RGS8: variants seen among roughly 807,000 people sequenced by gnomAD.
The protein encoded by RGS8 is regulator of G-protein signaling 8.
Under a neutral mutation model 21.7 loss-of-function variants are expected in RGS8, and 8 were observed. The ratio of observed to expected loss-of-function variants is 0.37; its 90% confidence interval spans 0.22 to 0.66. The LOEUF (loss-of-function observed/expected upper bound fraction) is 0.66, where lower values mean the gene tolerates loss of function less well. RGS8 is among the 30% of genes least tolerant of loss of function. The probability of loss-of-function intolerance (pLI) is 0.59; values close to 1 mark genes in which losing one functional copy is unlikely to be tolerated. For missense variants in RGS8, 157 were observed against 217.9 expected (o/e 0.72, Z 1.76); for synonymous variants, 80 against 83.6 (o/e 0.96, Z 0.24).
chr1:182,689,475 C>T (rs1664777411), upstream of RGS8, among the ~76,000 whole-genome samples: 1 of 152,118 alleles, frequency 6.6e-6, no homozygotes, highest in African/African-American at 2.4e-5. Context: ...ACAGGGAACA[C>T]AACAAATGCC....
chr1:182,722,351 A>G, the RGS8 span, among the ~76,000 whole-genome samples: 1 of 135,426 alleles, frequency 7.4e-6, no homozygotes, highest in Admixed American at 7.6e-5. Flanking sequence ...TGGGGCTGCC[A>G]TAGCAAATTA....
chr1:182,649,740 C>T (rs1662905052), intron 5 of RGS8, among the ~76,000 whole-genome samples: 1 of 152,162 alleles, frequency 6.6e-6, no homozygotes, highest in South Asian at 2.1e-4. Context: ...AACCTCAACA[C>T]ACTCCCTTTA....
the RGS8 span, among the ~76,000 whole-genome samples, chr1:182,724,726 T>C: frequency 6.6e-6 from 1 of 152,026 alleles, no homozygotes; most frequent in East Asian, 1.9e-4. Context: ...CCTGGCTAAT[T>C]TTTGTATTTT....
chr1:182,740,423 T>C, the RGS8 span, among the ~76,000 whole-genome samples: 1 of 152,022 alleles, frequency 6.6e-6, no homozygotes, highest in South Asian at 2.1e-4. Context: ...AGATAAATAA[T>C]ATTACTATCT....
At chr1:182,750,374 T>A in the RGS8 span, among the ~76,000 whole-genome samples, 7 of 152,192 alleles carry the variant, frequency 4.6e-5, no homozygotes, top group South Asian at 1.2e-3. Flanking sequence ...CATCTTTACA[T>A]CAACAATAGT....
chr1:182,667,418 C>T (rs1000448763), intron 3 of RGS8, among the ~76,000 whole-genome samples: 13 of 152,186 alleles, frequency 8.5e-5, no homozygotes, highest in Non-Finnish European at 1.8e-4. Context: ...TTGCAGGGTG[C>T]AGGGTGCATA....
chr1:182,741,210 G>T, the RGS8 span, among the ~76,000 whole-genome samples: 2 of 140,076 alleles, frequency 1.4e-5, no homozygotes, highest in Non-Finnish European at 1.6e-5. Flanking sequence ...CCTCCTGGAC[G>T]GGGCGGCTGG....
chr1:182,734,410 C>G, the RGS8 span: 1 of 152,116 alleles, frequency 6.6e-6, no homozygotes, highest in Non-Finnish European at 1.5e-5. Context: ...AAGAAAACAT[C>G]CCACCAGAAA....
At chr1:182,730,272 G>C in the RGS8 span, among the ~76,000 whole-genome samples, 1 of 152,132 alleles carries the variant, frequency 6.6e-6, no homozygotes, top group Non-Finnish European at 1.5e-5. Context: ...CTCTCCTAGG[G>C]AGATTTATAC....
At chr1:182,732,912 G>T in the RGS8 span, among the ~76,000 whole-genome samples, 3 of 152,248 alleles carry the variant, frequency 2.0e-5, no homozygotes, top group East Asian at 5.8e-4. Flanking sequence ...CCAGCCAAAT[G>T]GTATTATGGC....
At chr1:182,752,228 G>A in the RGS8 span, among the ~76,000 whole-genome samples, 1 of 152,204 alleles carries the variant, frequency 6.6e-6, no homozygotes, top group Non-Finnish European at 1.5e-5. Context: ...TGAGCCAGCT[G>A]ACAGAACATT....
At chr1:182,670,819 T>C (rs1461340873) in intron 2 of RGS8, among the ~76,000 whole-genome samples, 3 of 152,220 alleles carry the variant, frequency 2.0e-5, no homozygotes, top group Non-Finnish European at 4.4e-5. Context: ...ACGGATTGTG[T>C]TCCCTGGCTG....
intron 2 of RGS8, among the ~76,000 whole-genome samples, chr1:182,670,131 T>C (rs545323956): frequency 3.9e-4 from 60 of 152,308 alleles, no homozygotes; most frequent in Non-Finnish European, 7.6e-4. Context: ...TGCTCCAAAA[T>C]AATCTGATTG....
At chr1:182,644,876 C>T (rs1662634206), downstream of RGS8, 1 of 152,148 alleles carries the variant, frequency 6.6e-6, no homozygotes, top group Non-Finnish European at 1.5e-5. Flanking sequence ...CCATTTGAGG[C>T]TTTGGAGTTC....
chr1:182,662,129 T>G (rs1418124926), intron 5 of RGS8, among the ~76,000 whole-genome samples: 1 of 152,144 alleles, frequency 6.6e-6, no homozygotes, highest in African/African-American at 2.4e-5. Flanking sequence ...ACATTTGCCC[T>G]CCAGATTTTT....
At chr1:182,653,973 C>G (rs114885286) in intron 5 of RGS8, among the ~76,000 whole-genome samples, 286 of 151,990 alleles carry the variant, frequency 1.9e-3, no homozygotes, top group Non-Finnish European at 3.4e-3. Flanking sequence ...GTTGTTTTTA[C>G]TTATTTATTT....
At chr1:182,721,061 G>T in the RGS8 span, among the ~76,000 whole-genome samples, 1 of 104,996 alleles carries the variant, frequency 9.5e-6, no homozygotes, top group African/African-American at 4.5e-5. Context: ...ATATATATGT[G>T]TGTATATATA....
At chr1:182,655,152 TCA>T (rs1366276417) in intron 5 of RGS8, among the ~76,000 whole-genome samples, 1 of 152,194 alleles carries the variant, frequency 6.6e-6, no homozygotes, top group Non-Finnish European at 1.5e-5. Flanking sequence ...TTCCACAAGG[TCA>T]CAGTCTGTAA....
At chr1:182,651,735 C>G (rs990905739) in intron 5 of RGS8, among the ~76,000 whole-genome samples, 3 of 152,194 alleles carry the variant, frequency 2.0e-5, no homozygotes, top group South Asian at 2.1e-4. Flanking sequence ...AGACAGCCAG[C>G]CTGCCTGCCA....
Sources: allele counts gnomAD v4.1 joint callset (sites outside exome capture counted in the v4.1 genomes callset), GRCh38; gene constraint gnomAD v4.1.1; transcripts MANE v1.5; gene names NCBI Gene and HGNC (gene_info 2026-07-23, HGNC 2026-07-21).